The following VOPP1 variants were observed in gnomAD, a reference collection of about 807,000 sequenced individuals.
VOPP1 encodes the protein WW domain binding protein VOPP1.
VOPP1 carries 8 observed loss-of-function variants against 23.5 expected under a neutral mutation model. That is an observed-to-expected ratio of 0.34 (90% confidence interval 0.20 to 0.61). The LOEUF is 0.61. Ranked by LOEUF, VOPP1 falls within the 20% of genes least tolerant of loss-of-function variation. The pLI is 0.78. For missense variants in VOPP1, 174 were observed against 238.1 expected (o/e 0.73, Z 1.77); for synonymous variants, 83 against 97.3 (o/e 0.85, Z 0.86).
chr7:55,504,912 T>G (rs1794610240), intron 2 of VOPP1, among the ~76,000 whole-genome samples: 1 of 152,232 alleles, frequency 6.6e-6, no homozygotes, highest in African/African-American at 2.4e-5. Context: ...TAATAAACCT[T>G]CCATCAAAAC....
intron 1 of VOPP1, chr7:55,537,464 G>C (rs1020428638): frequency 6.1e-5 from 93 of 1,535,790 alleles, no homozygotes; most frequent in Non-Finnish European, 7.7e-5. Flanking sequence ...TCTGGGCCAG[G>C]CTTCACAGCA....
chr7:55,516,903 T>TAC (rs1795446943), intron 2 of VOPP1, among the ~76,000 whole-genome samples: 1 of 88,464 alleles, frequency 1.1e-5, no homozygotes, highest in African/African-American at 5.2e-5. Context: ...TGAGATCCAT[T>TAC]ACATATATAT....
Position 55,524,354 on chromosome 7 carries a change from C to T in VOPP1, c.55-3224G>A, listed in dbSNP as rs145990605. On this transcript the variant is annotated intron_variant, in intron 1 of 4. Transcript: ENST00000285279. ...GCTACATTTCTTGAAACAGAAAGCA[C>T]CTTTAAACAGAGTTACCTTGCATTA... Among the ~76,000 whole-genome samples the T allele has an allele frequency of 4.6e-3, 705 of 152,306 alleles. 4 individuals are homozygous for T. Among genetic ancestry groups the T allele is most frequent in the Middle Eastern group, 0.024 (7 of 294 alleles).
At chr7:55,554,524 C>T (rs891241387) in intron 1 of VOPP1, among the ~76,000 whole-genome samples, 1 of 152,178 alleles carries the variant, frequency 6.6e-6, no homozygotes, top group South Asian at 2.1e-4. Context: ...ATAGAGAAAA[C>T]GGGGCCTGGG....
intron 4 of VOPP1, among the ~76,000 whole-genome samples, chr7:55,439,635 G>A (rs1790915770): frequency 6.6e-6 from 1 of 152,220 alleles, no homozygotes; most frequent in South Asian, 2.1e-4. Flanking sequence ...GGGGGCTGGT[G>A]TCCCGGGACT....
intron 4 of VOPP1, among the ~76,000 whole-genome samples, chr7:55,450,709 C>T (rs1315844493): frequency 2.0e-5 from 3 of 152,132 alleles, no homozygotes; most frequent in Admixed American, 2.0e-4. Flanking sequence ...AGCTTTTCCC[C>T]ACGTAAGCTT....
At chr7:55,569,412 G>A (rs1054747830) in intron 1 of VOPP1, among the ~76,000 whole-genome samples, 3 of 152,166 alleles carry the variant, frequency 2.0e-5, no homozygotes, top group Non-Finnish European at 4.4e-5. Flanking sequence ...ACACTTTCCA[G>A]GGCCACCACT....
At chr7:55,515,690 CCT>C (rs1795358443) in intron 2 of VOPP1, among the ~76,000 whole-genome samples, 1 of 152,190 alleles carries the variant, frequency 6.6e-6, no homozygotes, top group Non-Finnish European at 1.5e-5. Context: ...CTCCACTTCC[CCT>C]CTGTGCCACA....
chr7:55,453,037 T>G (rs1002915537), intron 4 of VOPP1, among the ~76,000 whole-genome samples: 4 of 140,656 alleles, frequency 2.8e-5, no homozygotes, highest in Non-Finnish European at 6.3e-5. Flanking sequence ...AAGGCTGTTT[T>G]GTCTACATGT....
intron 3 of VOPP1, among the ~76,000 whole-genome samples, chr7:55,495,026 ATTTGT>A (rs983214520): frequency 4.0e-5 from 6 of 151,872 alleles, no homozygotes; most frequent in African/African-American, 1.2e-4. Flanking sequence ...CTTTAATTCA[ATTTGT>A]TTTTTGATTC....
chr7:55,524,507 G>GT, intron 1 of VOPP1, among the ~76,000 whole-genome samples: 1 of 152,146 alleles, frequency 6.6e-6, no homozygotes, highest in Non-Finnish European at 1.5e-5. Context: ...TGCCAACATC[G>GT]TAATACTACA....
At chr7:55,454,376 A>G (rs1003659282) in intron 4 of VOPP1, among the ~76,000 whole-genome samples, 1 of 152,256 alleles carries the variant, frequency 6.6e-6, no homozygotes, top group African/African-American at 2.4e-5. Flanking sequence ...AGGTACAAAG[A>G]GGAGCTGGGA....
rs529518106 is a variant in VOPP1, at chr7:55,514,958, C to T, written c.113+6114G>A. ...CTGCTGGAATGGGTTCTGCCTCCTGCTGGATAAGCCCTGGACCCTGTGTAA... is the reference window on the plus strand; with the variant it reads ...CTGCTGGAATGGGTTCTGCCTCCTGTTGGATAAGCCCTGGACCCTGTGTAA... On this transcript the variant is annotated intron_variant, in intron 2 of 4. Transcript: ENST00000285279. 9.6e-4 allele frequency among the ~76,000 whole-genome samples: 146 copies of T among 152,208 alleles called. 1 individual carries two copies. Among genetic ancestry groups the T allele is most frequent in the Non-Finnish European group, 1.3e-3 (90 of 68,040 alleles).
At chr7:55,478,018 A>T (rs890976739) in intron 4 of VOPP1, among the ~76,000 whole-genome samples, 2 of 152,242 alleles carry the variant, frequency 1.3e-5, no homozygotes, top group Admixed American at 6.5e-5. Flanking sequence ...GACGCTGGCC[A>T]TGCTTACCAT....
intron 1 of VOPP1, among the ~76,000 whole-genome samples, chr7:55,556,242 G>C (rs1415425390): frequency 6.6e-6 from 1 of 152,166 alleles, no homozygotes; most frequent in Admixed American, 6.5e-5. Context: ...GAGGAGGTGG[G>C]AGAGACAGGG....
rs1323009619 is a variant in VOPP1, at chr7:55,569,342, G to A, written c.54+2929C>T. On this transcript the variant is annotated intron_variant, in intron 1 of 4. Coordinates refer to ENST00000285279, the MANE Select transcript of VOPP1 (RefSeq NM_030796.5). ...CTATTTCACTCTTCAAAGTGCCACC[G>A]TTTGTAGGCTAAATCACATGGTCTT... Among the ~76,000 whole-genome samples the A allele has an allele frequency of 3.3e-5, 5 of 152,156 alleles. No homozygotes were observed. In the East Asian group the frequency reaches 7.7e-4, roughly 23 times the overall value.
At chr7:55,489,672 G>C (rs150951778) in intron 4 of VOPP1, among the ~76,000 whole-genome samples, 1,839 of 152,246 alleles carry the variant, frequency 0.012, 12 homozygotes, top group Middle Eastern at 0.02. Flanking sequence ...CAGCAATTCA[G>C]GCAGGTCTGC....
intron 4 of VOPP1, among the ~76,000 whole-genome samples, chr7:55,453,738 G>C (rs1791298973): frequency 6.6e-6 from 1 of 152,154 alleles, no homozygotes; most frequent in Non-Finnish European, 1.5e-5. Context: ...ATGAGACATA[G>C]AGATAAAAAG....
chr7:55,507,982 C>A (rs1248566368), intron 2 of VOPP1, among the ~76,000 whole-genome samples: 1 of 152,184 alleles, frequency 6.6e-6, no homozygotes, highest in Non-Finnish European at 1.5e-5. Context: ...AATACCTTCT[C>A]TGACTTGTAT....
Sources: allele counts gnomAD v4.1 joint callset (sites outside exome capture counted in the v4.1 genomes callset), GRCh38; gene constraint gnomAD v4.1.1; transcripts MANE v1.5; gene names NCBI Gene and HGNC (gene_info 2026-07-23, HGNC 2026-07-21).